NPSR1: variants seen among roughly 807,000 people sequenced by gnomAD.
NPSR1 encodes neuropeptide S receptor 1.
In NPSR1, 48 loss-of-function variants were observed where a neutral mutation model predicts 46.9. The ratio of observed to expected loss-of-function variants is 1.02; its 90% CI spans 0.81 to 1.30. The LOEUF (loss-of-function observed/expected upper bound fraction) is 1.30, where lower values mean the gene tolerates loss of function less well. NPSR1 is among the 50% of genes most tolerant of loss of function. The pLI is 0.00. For synonymous variants in NPSR1, 176 were observed against 168.1 expected, an observed-to-expected ratio of 1.05 and a Z score of -0.36; for missense variants, 450 against 449.5, an observed-to-expected ratio of 1.00 and a Z score of -0.01.
chr7:34,825,000 C>T (rs144570325), intron 4 of NPSR1, among the ~76,000 whole-genome samples: 30 of 152,280 alleles, frequency 2.0e-4, no homozygotes, highest in Non-Finnish European at 3.1e-4. Flanking sequence ...ACCAGCTCCC[C>T]TATGCCATCA....
intron 3 of NPSR1, among the ~76,000 whole-genome samples, chr7:34,792,703 A>ATATATATTTATATATATATG (rs1584036048): frequency 1.1e-5 from 1 of 88,572 alleles, no homozygotes; most frequent in African/African-American, 3.8e-5. Flanking sequence ...ATATATACGT[A>ATATATATTTATATATATATG]TATATATATA....
rs537231917 is a variant in NPSR1 at position 34,783,778 on chromosome 7, T to A, written c.384+5213T>A. 9.0e-4 allele frequency among the ~76,000 whole-genome samples: 136 copies of A among 151,240 alleles called. 1 individual carries two copies. The highest frequency in any genetic ancestry group is 1.7e-3 in the Non-Finnish European group (114 of 67,766). ...ATAACAGCAAGAGAGAAGAGGCAAA[T>A]CACATATAAGAGAGTTATAACAAGG... On this transcript the variant is annotated intron_variant, in intron 3 of 8. Transcript: ENST00000360581.
intron 6 of NPSR1, among the ~76,000 whole-genome samples, chr7:34,837,980 AC>A (rs981525891): frequency 3.9e-4 from 59 of 151,842 alleles, no homozygotes; most frequent in African/African-American, 1.4e-3. Flanking sequence ...ATTGGTGTAA[AC>A]CCCTGTCTTG....
At chr7:34,710,185 T>A (rs911463779) in intron 2 of NPSR1, among the ~76,000 whole-genome samples, 4 of 152,142 alleles carry the variant, frequency 2.6e-5, no homozygotes, top group African/African-American at 9.7e-5. Flanking sequence ...CCCTTCCTAC[T>A]TGCAATATAT....
At chr7:34,855,811 A>G (rs936520231) in intron 8 of NPSR1, among the ~76,000 whole-genome samples, 3 of 152,204 alleles carry the variant, frequency 2.0e-5, no homozygotes, top group East Asian at 3.8e-4. Flanking sequence ...CAAGGCTAAC[A>G]TATGTGACAA....
intron 1 of NPSR1, among the ~76,000 whole-genome samples, chr7:34,663,711 A>ACCCC (rs1330254252): frequency 6.6e-6 from 1 of 150,554 alleles, no homozygotes; most frequent in South Asian, 2.1e-4. Flanking sequence ...GCCCTCAGCG[A>ACCCC]CCCCCCTGTC....
chr7:34,731,447 T>G (rs1784413106), intron 2 of NPSR1, among the ~76,000 whole-genome samples: 1 of 152,204 alleles, frequency 6.6e-6, no homozygotes, highest in African/African-American at 2.4e-5. Flanking sequence ...ATTAGGCCAT[T>G]TTTATTAAAT....
At chr7:34,723,085 G>A (rs969168045) in intron 2 of NPSR1, among the ~76,000 whole-genome samples, 1 of 152,132 alleles carries the variant, frequency 6.6e-6, no homozygotes, top group Non-Finnish European at 1.5e-5. Flanking sequence ...AACAAATTAA[G>A]CCAGAGCAAA....
intron 2 of NPSR1, among the ~76,000 whole-genome samples, chr7:34,757,253 T>C (rs752133931): frequency 6.6e-6 from 1 of 152,220 alleles, no homozygotes; most frequent in Non-Finnish European, 1.5e-5. Context: ...ACACTTTGAA[T>C]AGTCACTCCT....
intron 1 of NPSR1, among the ~76,000 whole-genome samples, chr7:34,659,171 C>T (rs1791333185): frequency 6.6e-6 from 1 of 152,156 alleles, no homozygotes; most frequent in African/African-American, 2.4e-5. Context: ...TATCCAAGGG[C>T]CACACTGAGG....
rs536223365 is a variant in NPSR1 at position 34,732,671 on chromosome 7, T to C, written c.281-45791T>C. On this transcript the variant is annotated intron_variant, in intron 2 of 8. Coordinates refer to ENST00000360581, the MANE Select transcript of NPSR1 (RefSeq NM_207172.2). ...ATACCAGAGCTCTATGACATTTCATTAATTTTAATTTTACTGAGGCTGAAT... is the reference window on the plus strand; with the variant it reads ...ATACCAGAGCTCTATGACATTTCATCAATTTTAATTTTACTGAGGCTGAAT... Among the ~76,000 whole-genome samples, 12 of 152,280 alleles carry C rather than the reference T, an allele frequency of 7.9e-5. No individual in the cohort carries two copies. In the East Asian group the frequency reaches 2.3e-3, roughly 29 times the overall value.
At chr7:34,809,858 C>T (rs904859706) in intron 3 of NPSR1, among the ~76,000 whole-genome samples, 5 of 152,164 alleles carry the variant, frequency 3.3e-5, no homozygotes, top group African/African-American at 9.7e-5. Context: ...CAGTTAGCTT[C>T]CACTTATAAG....
chr7:34,820,928 C>T (rs1051506112), intron 4 of NPSR1, among the ~76,000 whole-genome samples: 1 of 152,098 alleles, frequency 6.6e-6, no homozygotes, highest in African/African-American at 2.4e-5. Context: ...AAATGTTTCT[C>T]ATCAGACTTA....
At chr7:34,701,358 A>T (rs1280752751) in intron 2 of NPSR1, among the ~76,000 whole-genome samples, 1 of 152,184 alleles carries the variant, frequency 6.6e-6, no homozygotes. Flanking sequence ...CCACCTACAG[A>T]AAAACTTTTT....
intron 2 of NPSR1, among the ~76,000 whole-genome samples, chr7:34,721,596 G>C (rs1471573367): frequency 6.6e-6 from 1 of 152,114 alleles, no homozygotes; most frequent in Non-Finnish European, 1.5e-5. Flanking sequence ...AAAGAAAAAG[G>C]CCCCAAAGTT....
At chr7:34,681,021 A>G (rs764746107) in intron 1 of NPSR1, among the ~76,000 whole-genome samples, 4 of 151,574 alleles carry the variant, frequency 2.6e-5, no homozygotes, top group Non-Finnish European at 5.9e-5. Context: ...ATGTATATAT[A>G]TTGTGCACTT....
chr7:34,731,727 G>A (rs921802720), intron 2 of NPSR1, among the ~76,000 whole-genome samples: 2 of 152,096 alleles, frequency 1.3e-5, no homozygotes, highest in African/African-American at 4.8e-5. Flanking sequence ...TTTAGATGAG[G>A]GCCAGGAGCT....
chr7:34,771,991 C>G (rs758686591), intron 2 of NPSR1, among the ~76,000 whole-genome samples: 2 of 152,206 alleles, frequency 1.3e-5, no homozygotes, highest in Non-Finnish European at 2.9e-5. Flanking sequence ...TGTAGGATGT[C>G]ACCATTGGGG....
intron 8 of NPSR1, chr7:34,849,360 T>C: frequency 6.4e-7 from 1 of 1,551,826 alleles, no homozygotes; most frequent in Non-Finnish European, 8.7e-7. Flanking sequence ...CTGTGATGTC[T>C]CTGTCCTCTG....
Sources: allele counts gnomAD v4.1 joint callset (sites outside exome capture counted in the v4.1 genomes callset), GRCh38; gene constraint gnomAD v4.1.1; transcripts MANE v1.5; gene names NCBI Gene and HGNC (gene_info 2026-07-23, HGNC 2026-07-21).